LARGE1: variants seen among roughly 807,000 people sequenced by gnomAD.
The protein encoded by LARGE1 is LARGE xylosyl- and glucuronyltransferase 1.
A neutral mutation model predicts 87.6 loss-of-function variants in LARGE1; 43 were observed. That is an observed-to-expected ratio of 0.49 (90% CI 0.38 to 0.63). LARGE1 has a LOEUF of 0.63. Ranked by LOEUF, LARGE1 falls within the 30% of genes least tolerant of loss-of-function variation. The pLI, the probability that LARGE1 is intolerant of heterozygous loss-of-function variation, is 0.00. For synonymous variants in LARGE1, 434 were observed against 394.6 expected, an observed-to-expected ratio of 1.10 and a Z score of -1.18; for missense variants, 802 against 1,000.2, an observed-to-expected ratio of 0.80 and a Z score of 2.67.
At chr22:33,606,875 A>G (rs527288304) in intron 4 of LARGE1, among the ~76,000 whole-genome samples, 2 of 152,082 alleles carry the variant, frequency 1.3e-5, no homozygotes, top group Admixed American at 6.5e-5. Flanking sequence ...GACTACCCAC[A>G]TCTAGGTCAG....
chr22:33,616,254 C>G (rs1468611941), intron 4 of LARGE1, among the ~76,000 whole-genome samples: 1 of 152,112 alleles, frequency 6.6e-6, no homozygotes, highest in African/African-American at 2.4e-5. Context: ...TGCCTGTAAT[C>G]CCAGCACTTT....
intron 10 of LARGE1, among the ~76,000 whole-genome samples, chr22:33,324,377 G>A (rs899893363): frequency 2.0e-5 from 3 of 151,356 alleles, no homozygotes; most frequent in Non-Finnish European, 2.9e-5. Flanking sequence ...ATTTCTCTGG[G>A]GAGCCATGGA....
chr22:33,518,064 T>C (rs1374232761), intron 6 of LARGE1, among the ~76,000 whole-genome samples: 1 of 152,214 alleles, frequency 6.6e-6, no homozygotes, highest in Non-Finnish European at 1.5e-5. Context: ...GGAACCAGGA[T>C]TTGACTTGAG....
chr22:33,383,031 C>T (rs1266564687), intron 8 of LARGE1, among the ~76,000 whole-genome samples: 2 of 152,068 alleles, frequency 1.3e-5, no homozygotes, highest in African/African-American at 2.4e-5. Flanking sequence ...TGCAGGCATT[C>T]GACGAACCAG....
intron 11 of LARGE1, among the ~76,000 whole-genome samples, chr22:33,253,739 C>G (rs1434405786): frequency 6.6e-6 from 1 of 152,070 alleles, no homozygotes; most frequent in East Asian, 1.9e-4. Flanking sequence ...GTGCAGCACT[C>G]TAGAGTAGTA....
chr22:33,757,567 C>T (rs558894363), intron 2 of LARGE1, among the ~76,000 whole-genome samples: 50 of 152,276 alleles, frequency 3.3e-4, no homozygotes, highest in Non-Finnish European at 6.5e-4. Context: ...CATGCTGCGG[C>T]GTGTAATCCA....
intron 1 of LARGE1, among the ~76,000 whole-genome samples, chr22:33,799,785 G>A (rs2146063324): frequency 6.6e-6 from 1 of 152,280 alleles, no homozygotes; most frequent in Non-Finnish European, 1.5e-5. Context: ...CGGAGAGTTT[G>A]GTAATATGGA....
rs191507407 is a variant in LARGE1 at position 33,632,325 on chromosome 22, C to T, written c.409-5999G>A. On this transcript the variant is annotated intron_variant, in intron 3 of 14. Coordinates refer to ENST00000397394, the MANE Select transcript of LARGE1 (RefSeq NM_133642.5). ...TTTTAGTAGAGATGGGGTTTGGCCACGTTGCCCAAGCTGGTCTTGAACTCC... is the reference window on the plus strand; with the variant it reads ...TTTTAGTAGAGATGGGGTTTGGCCATGTTGCCCAAGCTGGTCTTGAACTCC... 2.9e-3 allele frequency among the ~76,000 whole-genome samples: 444 copies of T among 152,236 alleles called. 1 individual carries two copies. Among genetic ancestry groups the T allele is most frequent in the Non-Finnish European group, 5.1e-3 (350 of 68,020 alleles).
At chr22:33,380,276 G>A (rs1394523692) in intron 9 of LARGE1, among the ~76,000 whole-genome samples, 2 of 152,008 alleles carry the variant, frequency 1.3e-5, no homozygotes, top group East Asian at 3.9e-4. Flanking sequence ...TTTCTAACAA[G>A]CACATGATAT....
chr22:33,683,661 T>C (rs966939387), intron 2 of LARGE1, among the ~76,000 whole-genome samples: 13 of 151,400 alleles, frequency 8.6e-5, no homozygotes, highest in African/African-American at 2.4e-4. Flanking sequence ...AGACAGACGA[T>C]AGACAGAAGA....
chr22:33,593,925 T>C (rs1420079655), intron 5 of LARGE1, among the ~76,000 whole-genome samples: 1 of 152,216 alleles, frequency 6.6e-6, no homozygotes, highest in Non-Finnish European at 1.5e-5. Context: ...CCAAAATTCA[T>C]GTTTTGGTTC....
chr22:33,811,821 C>G (rs1390668201), intron 1 of LARGE1, among the ~76,000 whole-genome samples: 1 of 152,124 alleles, frequency 6.6e-6, no homozygotes, highest in African/African-American at 2.4e-5. Context: ...GATTAGGAGA[C>G]ACAGGAAGGA....
At chr22:33,465,441 T>C (rs972475358) in intron 6 of LARGE1, among the ~76,000 whole-genome samples, 7 of 152,208 alleles carry the variant, frequency 4.6e-5, no homozygotes, top group Non-Finnish European at 8.8e-5. Context: ...AAACAGAATG[T>C]AAACATTATA....
chr22:33,436,862 C>A (rs1017163583), intron 6 of LARGE1, among the ~76,000 whole-genome samples: 1 of 152,154 alleles, frequency 6.6e-6, no homozygotes, highest in Non-Finnish European at 1.5e-5. Context: ...GCAATTCCAA[C>A]TCTGGGTTTT....
At chr22:33,410,306 C>T (rs1250951293) in intron 7 of LARGE1, among the ~76,000 whole-genome samples, 4 of 152,074 alleles carry the variant, frequency 2.6e-5, no homozygotes, top group African/African-American at 9.7e-5. Context: ...ATCCCCAGAG[C>T]TAAGTAACTG....
At chr22:33,700,090 G>A (rs989256798) in intron 2 of LARGE1, among the ~76,000 whole-genome samples, 4 of 152,044 alleles carry the variant, frequency 2.6e-5, no homozygotes, top group Admixed American at 2.6e-4. Flanking sequence ...CATGAGATTT[G>A]TTGCCTCCAG....
chr22:33,288,406 G>C (rs1161099628), intron 12 of LARGE1, among the ~76,000 whole-genome samples: 1 of 152,106 alleles, frequency 6.6e-6, no homozygotes, highest in Non-Finnish European at 1.5e-5. Context: ...TTTCAGACTT[G>C]CCAACCCCAC....
chr22:33,414,960 A>G (rs1306128287), intron 7 of LARGE1, among the ~76,000 whole-genome samples: 1 of 152,226 alleles, frequency 6.6e-6, no homozygotes, highest in East Asian at 1.9e-4. Flanking sequence ...AAATACATTT[A>G]TGTTGTTTAT....
chr22:33,493,851 G>C (rs2069974766), intron 6 of LARGE1, among the ~76,000 whole-genome samples: 1 of 152,146 alleles, frequency 6.6e-6, no homozygotes, highest in Non-Finnish European at 1.5e-5. Context: ...ATATCAGTGT[G>C]CCCAGACTCC....
Sources: gnomAD v4.1 joint callset for allele counts (sites outside exome capture counted in the v4.1 genomes callset) on GRCh38, gnomAD v4.1.1 for gene constraint, MANE v1.5 for transcripts, NCBI Gene and HGNC (gene_info 2026-07-23, HGNC 2026-07-21) for gene names.